Variants in PTTG2 observed in about 807,000 individuals in gnomAD.
The protein encoded by PTTG2 is securin-2.
For synonymous variants in PTTG2, 90 were observed against 84.2 expected (o/e 1.07, Z -0.37); for missense variants, 218 against 226.3 (o/e 0.96, Z 0.23).
Position 37,960,993 on chromosome 4 carries a change from G to A in PTTG2, c.559G>A (p.Val187Ile). Residue 187 changes from valine to isoleucine, a missense_variant, in exon 1 of 1, where the codon GTC becomes ATC. By Grantham distance (29) the Val-to-Ile change is conservative. Coordinates refer to ENST00000504686, the MANE Select transcript of PTTG2 (RefSeq NM_006607.3). Reference sequence around the variant, plus strand: ...GTTTGCAGTCTCCTTCAAGCATTCTGTCGACCCTGGATGTTGAATTGCCAG... The same window carrying A: ...GTTTGCAGTCTCCTTCAAGCATTCTATCGACCCTGGATGTTGAATTGCCAG... Reference protein sequence around the residue: ...NLFAVSFKHSVDPGC With the variant: ...NLFAVSFKHSIDPGC The A allele has an allele frequency of 1.2e-6, 2 of 1,614,136 alleles. No homozygotes were observed. The highest frequency in any genetic ancestry group is 2.2e-5 in the East Asian group (1 of 44,892).
At position 37,960,929 on chromosome 4, in the gene PTTG2, A is replaced by T. The variant is rs1560535273; in HGVS notation, c.495A>T (p.Ser165=). Residue 165 remains serine, a synonymous_variant, in exon 1 of 1, where the codon TCA becomes TCT. Coordinates refer to ENST00000504686, the MANE Select transcript of PTTG2 (RefSeq NM_006607.3). ...AGCTGTTTCAGCTGGGCCCCCCTTC[A>T]CCTGTGAAAATGCCCTCTCCACCAT... ...LEKLFQLGPP[S]PVKMPSPPWE... is the part of the protein sequence containing the mutation. 1 of 1,614,006 alleles carries T rather than the reference A, an allele frequency of 6.2e-7. No individual in the cohort carries two copies. Among genetic ancestry groups the T allele is most frequent in the Admixed American group, 1.7e-5 (1 of 60,000 alleles).
rs1471425787 is a variant in PTTG2, at chr4:37,960,836, C to A, written c.402C>A (p.Arg134=). 6.2e-7 allele frequency: 1 copy of A among 1,614,158 alleles called. No individual in the cohort carries two copies. Residue 134 remains arginine (R), a synonymous_variant, in exon 1 of 1, where the codon CGC becomes CGA. Coordinates refer to ENST00000504686, the MANE Select transcript of PTTG2 (RefSeq NM_006607.3). ...DFESFDLPEE[R]QIAHLPLSGV... ...AGAGTTTTGACCTGCCTGAAGAGCG[C>A]CAGATTGCACACCTCCCCTTGAGTG...
rs761349695 is a variant in PTTG2, at chr4:37,960,412, G to T, written c.-23G>T. ...ACCACGGTCTTAGATGAATGTGGCT[G>T]TTGAGAGCGGCAATAATCCAGAATG... On this transcript the variant is annotated 5_prime_UTR_variant, in exon 1 of 1. Transcript: ENST00000504686. 1.3e-6 allele frequency: 2 copies of T among 1,591,230 alleles called. No individual in the cohort carries two copies. The highest frequency in any genetic ancestry group is 4.5e-5 in the East Asian group (2 of 44,772).
rs760044264 is a variant in PTTG2, at chr4:37,960,953, A to T, written c.519A>T (p.Pro173=). 3.7e-6 allele frequency: 6 copies of T among 1,614,146 alleles called. No homozygotes were observed. Among genetic ancestry groups the T allele is most frequent in the Non-Finnish European group, 4.2e-6 (5 of 1,180,030 alleles). ...PPSPVKMPSP[P]WECNLFAVSF... ...CACCTGTGAAAATGCCCTCTCCACC[A>T]TGGGAATGCAATCTGTTTGCAGTCT... Residue 173 remains proline, a synonymous_variant, in exon 1 of 1, where the codon CCA becomes CCT. Coordinates refer to ENST00000504686, the MANE Select transcript of PTTG2 (RefSeq NM_006607.3).
chr4:37,960,484 G>A lies in PTTG2; in HGVS notation c.50G>A (p.Arg17His), dbSNP rs570911726. Residue 17 changes from arginine (R) to histidine (H), a missense_variant, in exon 1 of 1, where the codon CGT (arginine) becomes CAT (histidine). By Grantham distance (29) the Arg-to-His change is conservative (BLOSUM62 0). Transcript: ENST00000504686. The stretch of plus-strand genomic sequence containing the variant: ...AAGGAAATTGGAGAACCAGGCACCC[G>A]TGTGGCTGCCAAGGATGTGCTGAAG... The part of the protein sequence containing the change: ...VDKEIGEPGT[R>H]VAAKDVLKLE... 2.0e-5 allele frequency: 32 copies of A among 1,614,056 alleles called. No individual in the cohort carries two copies. The highest frequency in any genetic ancestry group is 8.0e-5 in the African/African-American group (6 of 75,030).
At chr4:37,960,480 AC>A in the PTTG2 span, 225 of 1,613,876 alleles carry the variant, frequency 1.4e-4, no homozygotes, top group Non-Finnish European at 1.8e-4. Context: ...AGAACCAGGC[AC>A]CCGTGTGGCT....
chr4:37,960,848 C>G lies in PTTG2; in HGVS notation c.414C>G (p.His138Gln). Residue 138 changes from histidine to glutamine, a missense_variant, in exon 1 of 1, where the codon CAC becomes CAG. Physicochemically the swap from His to Gln is conservative, Grantham distance 24. Transcript: ENST00000504686. Reference sequence around the variant, plus strand: ...TGCCTGAAGAGCGCCAGATTGCACACCTCCCCTTGAGTGGAGTGCCTCTCA... The same window carrying G: ...TGCCTGAAGAGCGCCAGATTGCACAGCTCCCCTTGAGTGGAGTGCCTCTCA... Reference protein sequence around the residue: ...FDLPEERQIAHLPLSGVPLMI... With the variant: ...FDLPEERQIAQLPLSGVPLMI... 1 of 1,614,168 alleles carries G rather than the reference C, an allele frequency of 6.2e-7. No individual in the cohort carries two copies. The highest frequency in any genetic ancestry group is 8.5e-7 in the Non-Finnish European group (1 of 1,180,024).
chr4:37,960,917 G>A lies in PTTG2; in HGVS notation c.483G>A (p.Leu161=), dbSNP rs1400555449. 2 of 1,614,026 alleles carry A rather than the reference G, an allele frequency of 1.2e-6. No homozygotes were observed. Among genetic ancestry groups the A allele is most frequent in the African/African-American group, 2.7e-5 (2 of 74,928 alleles). Residue 161 remains leucine, a synonymous_variant, in exon 1 of 1, where the codon CTG becomes CTA. Transcript: ENST00000504686. ...EEGELEKLFQ[L]GPPSPVKMPS... is the part of the protein sequence containing the mutation. ...GAGAGCTTGAAAAGCTGTTTCAGCT[G>A]GGCCCCCCTTCACCTGTGAAAATGC...
chr4:37,960,866 G>A lies in PTTG2; in HGVS notation c.432G>A (p.Val144=), dbSNP rs1483139200. The part of the protein sequence containing the change: ...RQIAHLPLSG[V]PLMILDEEGE... ...TTGCACACCTCCCCTTGAGTGGAGT[G>A]CCTCTCATGATCCTTGATGAGGAGG... The change falls in exon 1 of 1, where the codon GTG becomes GTA. Residue 144 remains valine, a synonymous_variant. Coordinates refer to ENST00000504686, the MANE Select transcript of PTTG2 (RefSeq NM_006607.3). 10 of 1,614,022 alleles carry A rather than the reference G, an allele frequency of 6.2e-6. No individual in the cohort carries two copies. Among genetic ancestry groups the A allele is most frequent in the African/African-American group, 5.3e-5 (4 of 74,902 alleles).
rs375546881 is a variant in PTTG2, at chr4:37,960,872, C to T, written c.438C>T (p.Leu146=). 8.1e-6 allele frequency: 13 copies of T among 1,614,018 alleles called. No individual in the cohort carries two copies. Among genetic ancestry groups the T allele is most frequent in the Non-Finnish European group, 1.1e-5 (13 of 1,180,018 alleles). The change falls in exon 1 of 1, where the codon CTC becomes CTT. Residue 146 remains leucine (L), a synonymous_variant. Transcript: ENST00000504686. ...ACCTCCCCTTGAGTGGAGTGCCTCT[C>T]ATGATCCTTGATGAGGAGGGAGAGC... The part of the protein sequence containing the change: ...IAHLPLSGVP[L]MILDEEGELE...
Position 37,960,425 on chromosome 4 carries a change from A to G in PTTG2, c.-10A>G, listed in dbSNP as rs1729747789. ...ATGAATGTGGCTGTTGAGAGCGGCAATAATCCAGAATGGCTACTCTGATCT... is the reference window on the plus strand; with the variant it reads ...ATGAATGTGGCTGTTGAGAGCGGCAGTAATCCAGAATGGCTACTCTGATCT... On this transcript the variant is annotated 5_prime_UTR_variant, in exon 1 of 1. Coordinates refer to ENST00000504686, the MANE Select transcript of PTTG2 (RefSeq NM_006607.3). 3.7e-6 allele frequency: 6 copies of G among 1,605,838 alleles called. No individual in the cohort carries two copies. Among genetic ancestry groups the G allele is most frequent in the Middle Eastern group, 1.7e-4 (1 of 6,014 alleles).
chr4:37,960,833 G>C lies in PTTG2; in HGVS notation c.399G>C (p.Glu133Asp). The C allele has an allele frequency of 6.2e-7, 1 of 1,614,140 alleles. No homozygotes were observed. Among genetic ancestry groups the C allele is most frequent in the Middle Eastern group, 1.6e-4 (1 of 6,062 alleles). Residue 133 changes from glutamate to aspartate, a missense_variant, in exon 1 of 1, where the codon GAG becomes GAC. Transcript: ENST00000504686. Reference protein sequence around the residue: ...LDFESFDLPEERQIAHLPLSG... With the variant: ...LDFESFDLPEDRQIAHLPLSG... ...TTGAGAGTTTTGACCTGCCTGAAGA[G>C]CGCCAGATTGCACACCTCCCCTTGA...
rs550667586 is a variant in PTTG2 at position 37,960,449 on chromosome 4, C to G, written c.15C>G (p.Ile5Met). Residue 5 changes from isoleucine (I) to methionine (M), a missense_variant, in exon 1 of 1, where the codon ATC becomes ATG. Ile to Met is a conservative substitution (Grantham distance 10, BLOSUM62 1). Transcript: ENST00000504686. Reference protein sequence around the residue: MATLIYVDKEIGEPG... With the variant: MATLMYVDKEIGEPG... ...AATAATCCAGAATGGCTACTCTGAT[C>G]TACGTTGATAAGGAAATTGGAGAAC... is the stretch of plus-strand genomic sequence containing the variant. 6.2e-7 allele frequency: 1 copy of G among 1,613,420 alleles called. No homozygotes were observed. The highest frequency in any genetic ancestry group is 1.7e-5 in the Admixed American group (1 of 59,930).
In PTTG2 at chr4:37,960,878, C is replaced by T. The variant is rs1238150450; in HGVS notation, c.444C>T (p.Ile148=). 1.2e-6 allele frequency: 2 copies of T among 1,614,014 alleles called. No individual in the cohort carries two copies. The highest frequency in any genetic ancestry group is 1.7e-6 in the Non-Finnish European group (2 of 1,180,020). ...HLPLSGVPLM[I]LDEEGELEKL... ...CCTTGAGTGGAGTGCCTCTCATGAT[C>T]CTTGATGAGGAGGGAGAGCTTGAAA... Residue 148 remains isoleucine, a synonymous_variant, in exon 1 of 1, where the codon ATC becomes ATT. Coordinates refer to ENST00000504686, the MANE Select transcript of PTTG2 (RefSeq NM_006607.3).
rs763151477 is a variant in PTTG2 at position 37,960,549 on chromosome 4, T to C, written c.115T>C (p.Ser39Pro). 1.9e-6 allele frequency: 3 copies of C among 1,614,098 alleles called. No homozygotes were observed. Among genetic ancestry groups the C allele is most frequent in the Admixed American group, 1.7e-5 (1 of 60,018 alleles). Residue 39 changes from serine to proline, a missense_variant, in exon 1 of 1, where the codon TCT (serine) becomes CCT (proline). By Grantham distance (74) the Ser-to-Pro change is moderately conservative. Transcript: ENST00000504686. ...TTCAATCAAAGCATTAGATGGGATA[T>C]CTCAAGTTTTAACACGACGTTTTGG... ...RPSIKALDGI[S>P]QVLTRRFGKT...
the PTTG2 span, chr4:37,960,790 CCTTCAAT>C: frequency 1.4e-5 from 22 of 1,614,030 alleles, no homozygotes; most frequent in Non-Finnish European, 1.6e-5. Flanking sequence ...AAATTCTTTC[CCTTCAAT>C]CTTCTAGACT....
chr4:37,960,976 T>C lies in PTTG2; in HGVS notation c.542T>C (p.Val181Ala). ...SPPWECNLFA[V>A]SFKHSVDPGC Reference sequence around the variant, plus strand: ...CCATGGGAATGCAATCTGTTTGCAGTCTCCTTCAAGCATTCTGTCGACCCT... The same window carrying C: ...CCATGGGAATGCAATCTGTTTGCAGCCTCCTTCAAGCATTCTGTCGACCCT... The change falls in exon 1 of 1, where the codon GTC (valine) becomes GCC (alanine). Residue 181 changes from valine to alanine, a missense_variant. Physicochemically the swap from Val to Ala is moderately conservative, Grantham distance 64. Transcript: ENST00000504686. 1 of 1,614,066 alleles carries C rather than the reference T, an allele frequency of 6.2e-7. No individual in the cohort carries two copies. The highest frequency in any genetic ancestry group is 1.1e-5 in the South Asian group (1 of 91,068).
rs1257077908 is a variant in PTTG2, at chr4:37,960,700, C to T, written c.266C>T (p.Ser89Phe). 2 of 1,614,108 alleles carry T rather than the reference C, an allele frequency of 1.2e-6. No homozygotes were observed. The highest frequency in any genetic ancestry group is 2.7e-5 in the African/African-American group (2 of 74,940). ...GPRKQKQPSF[S>F]AKKMTEKTVK... ...AGAAAACAAAAACAGCCAAGCTTTT[C>T]TGCCAAAAAGATGACCGAGAAGACT... is the stretch of plus-strand genomic sequence containing the variant. Residue 89 changes from serine to phenylalanine, a missense_variant, in exon 1 of 1, where the codon TCT (serine) becomes TTT (phenylalanine). By Grantham distance (155) the Ser-to-Phe change is radical (BLOSUM62 -2). Transcript: ENST00000504686.
At position 37,961,108 on chromosome 4, in the gene PTTG2, T is replaced by G; in HGVS notation, c.*98T>G. Reference sequence around the variant, plus strand: ...ATAAAGCATTATTTGTTTAACAACATAATAAATACATAAATATAAAGTGGG... The same window carrying G: ...ATAAAGCATTATTTGTTTAACAACAGAATAAATACATAAATATAAAGTGGG... On this transcript the variant is annotated 3_prime_UTR_variant, in exon 1 of 1. Transcript: ENST00000504686. The G allele has an allele frequency of 6.7e-7, 1 of 1,494,696 alleles. No individual in the cohort carries two copies. Among genetic ancestry groups the G allele is most frequent in the Non-Finnish European group, 9.3e-7 (1 of 1,078,486 alleles). 92.6% of individuals were successfully genotyped at this position (1,494,696 alleles called of 1,614,324 possible). A position where few individuals can be genotyped will look rare whatever the true frequency, so the allele number is the denominator to read the frequency against.
Sources: allele counts gnomAD v4.1 joint callset, GRCh38; gene constraint gnomAD v4.1.1; transcripts MANE v1.5; gene names NCBI Gene and HGNC (gene_info 2026-07-23, HGNC 2026-07-21).